The following PRKG1 variants were observed in gnomAD, a reference collection of about 807,000 sequenced individuals.
PRKG1 encodes the protein cGMP-dependent protein kinase 1.
PRKG1 carries 35 observed loss-of-function variants against 88.1 expected under a neutral mutation model. That is an observed-to-expected ratio of 0.40 (90% confidence interval 0.30 to 0.53). The LOEUF is 0.53. PRKG1 is among the 20% of genes least tolerant of loss of function. The pLI is 0.59. For synonymous variants in PRKG1, 303 were observed against 292.5 expected, an observed-to-expected ratio of 1.04 and a Z score of -0.37; for missense variants, 540 against 839.8, an observed-to-expected ratio of 0.64 and a Z score of 4.41.
intron 3 of PRKG1, among the ~76,000 whole-genome samples, chr10:51,722,212 G>C (rs1375734976): frequency 6.6e-6 from 1 of 150,694 alleles, no homozygotes; most frequent in South Asian, 2.1e-4. Context: ...CTGGGCAACA[G>C]AGCAAGACTC....
chr10:51,882,050 T>A (rs1841451279), intron 4 of PRKG1, among the ~76,000 whole-genome samples: 1 of 152,164 alleles, frequency 6.6e-6, no homozygotes. Context: ...AGGACTGTAA[T>A]AGGCAAAGCT....
intron 5 of PRKG1, among the ~76,000 whole-genome samples, chr10:52,028,899 G>A (rs1240736812): frequency 6.6e-6 from 1 of 152,152 alleles, no homozygotes; most frequent in African/African-American, 2.4e-5. Flanking sequence ...AATCAGTCTT[G>A]TCTTGGGGCT....
At chr10:51,953,553 A>T (rs1843234143) in intron 5 of PRKG1, among the ~76,000 whole-genome samples, 1 of 152,194 alleles carries the variant, frequency 6.6e-6, no homozygotes, top group Non-Finnish European at 1.5e-5. Context: ...GGAATTACTC[A>T]TGACAACAGT....
intron 3 of PRKG1, among the ~76,000 whole-genome samples, chr10:51,554,028 C>CGTATGTGATAT (rs1837224537): frequency 1.3e-4 from 8 of 62,280 alleles, no homozygotes; most frequent in Admixed American, 1.1e-3. Context: ...GTATGTGATA[C>CGTATGTGATAT]GTGTATATAT....
intron 9 of PRKG1, among the ~76,000 whole-genome samples, chr10:52,245,788 T>TA (rs1427345640): frequency 2.0e-5 from 3 of 147,432 alleles, no homozygotes; most frequent in Non-Finnish European, 4.5e-5. Flanking sequence ...TTTATTTATT[T>TA]ATTTATTTAT....
chr10:51,260,202 G>A (rs1230525196), intron 2 of PRKG1, among the ~76,000 whole-genome samples: 1 of 152,052 alleles, frequency 6.6e-6, no homozygotes, highest in Non-Finnish European at 1.5e-5. Flanking sequence ...CACCATATGA[G>A]CCAGAAAACC....
intron 3 of PRKG1, among the ~76,000 whole-genome samples, chr10:51,489,593 A>G (rs957996751): frequency 2.0e-5 from 3 of 152,192 alleles, no homozygotes; most frequent in African/African-American, 7.2e-5. Flanking sequence ...ATTATGTCAC[A>G]GCTATAGACT....
At chr10:51,091,411 A>G (rs2339676) in intron 1 of PRKG1, among the ~76,000 whole-genome samples, 5,444 of 152,164 alleles carry the variant, frequency 0.036, 121 homozygotes, top group Middle Eastern at 0.058. Flanking sequence ...GGCAACCACT[A>G]ATCTGCTTTC....
chr10:52,293,557 T>C (rs1842316480), intron 17 of PRKG1, among the ~76,000 whole-genome samples: 1 of 152,128 alleles, frequency 6.6e-6, no homozygotes, highest in Admixed American at 6.6e-5. Context: ...AAGTTTATTA[T>C]ATAGAAAGAT....
At chr10:51,247,084 A>G (rs554125758) in intron 2 of PRKG1, among the ~76,000 whole-genome samples, 2 of 152,118 alleles carry the variant, frequency 1.3e-5, no homozygotes, top group East Asian at 1.9e-4. Flanking sequence ...GTACAAGAAG[A>G]TGAATGGAGT....
chr10:51,687,843 A>C (rs1184831010), intron 3 of PRKG1, among the ~76,000 whole-genome samples: 2 of 152,216 alleles, frequency 1.3e-5, no homozygotes, highest in South Asian at 2.1e-4. Flanking sequence ...AAATACATTC[A>C]GGTGTCTTCC....
At chr10:51,430,205 CAGGAGTCA>C (rs1838722185) in intron 2 of PRKG1, among the ~76,000 whole-genome samples, 1 of 151,120 alleles carries the variant, frequency 6.6e-6, no homozygotes, top group African/African-American at 2.4e-5. Flanking sequence ...TGCTTGAACC[CAGGAGTCA>C]AGACCAGCCT....
chr10:51,048,134 C>G (rs1843514655), intron 1 of PRKG1, among the ~76,000 whole-genome samples: 1 of 152,146 alleles, frequency 6.6e-6, no homozygotes, highest in Non-Finnish European at 1.5e-5. Context: ...ACTTCAAAAC[C>G]TCATTCTTTC....
chr10:51,355,275 T>C (rs1842339472), intron 2 of PRKG1, among the ~76,000 whole-genome samples: 1 of 152,086 alleles, frequency 6.6e-6, no homozygotes, highest in Admixed American at 6.6e-5. Context: ...TTTTTATTCC[T>C]TCTTTGACAA....
At chr10:51,134,862 A>G (rs1845652386) in intron 1 of PRKG1, among the ~76,000 whole-genome samples, 2 of 152,182 alleles carry the variant, frequency 1.3e-5, no homozygotes, top group Non-Finnish European at 2.9e-5. Flanking sequence ...AATATTGTTA[A>G]TCGTAGAAAA....
chr10:51,746,769 A>G (rs1228650202), intron 3 of PRKG1, among the ~76,000 whole-genome samples: 1 of 152,014 alleles, frequency 6.6e-6, no homozygotes, highest in Non-Finnish European at 1.5e-5. Context: ...AGAAAAAAAA[A>G]GAAAAGAAAA....
intron 3 of PRKG1, among the ~76,000 whole-genome samples, chr10:51,606,106 A>C (rs1020361443): frequency 6.6e-6 from 1 of 152,182 alleles, no homozygotes; most frequent in African/African-American, 2.4e-5. Context: ...ATAATTTCCT[A>C]TGGCTAAACC....
chr10:52,102,833 T>C (rs1440635013), intron 7 of PRKG1, among the ~76,000 whole-genome samples: 1 of 152,060 alleles, frequency 6.6e-6, no homozygotes, highest in Non-Finnish European at 1.5e-5. Context: ...AATTATTTTA[T>C]GACATAGACC....
At chr10:51,558,520 G>A (rs564105522) in intron 3 of PRKG1, among the ~76,000 whole-genome samples, 27 of 152,096 alleles carry the variant, frequency 1.8e-4, no homozygotes, top group African/African-American at 5.5e-4. Context: ...TGAATTCCTC[G>A]TTCTATACCT....
Sources: allele counts gnomAD v4.1 joint callset (sites outside exome capture counted in the v4.1 genomes callset), GRCh38; gene constraint gnomAD v4.1.1; transcripts MANE v1.5; gene names NCBI Gene and HGNC (gene_info 2026-07-23, HGNC 2026-07-21).